The following RALGAPA1 variants were observed in gnomAD, a reference collection of about 807,000 sequenced individuals.
RALGAPA1 encodes ral GTPase-activating protein subunit alpha-1.
RALGAPA1 carries 52 observed loss-of-function variants against 269.6 expected under a neutral mutation model. That is an observed-to-expected ratio of 0.19 (90% CI 0.15 to 0.24). The LOEUF (loss-of-function observed/expected upper bound fraction) is 0.24, where lower values mean the gene tolerates loss of function less well. Among genes scored for constraint, RALGAPA1 ranks in the 10% least tolerant of loss-of-function variants. The pLI, the probability that RALGAPA1 is intolerant of heterozygous loss-of-function variation, is 1.00. For missense variants in RALGAPA1, 1,917 were observed against 3,013.9 expected (o/e 0.64, Z 8.52); for synonymous variants, 817 against 1,008.3 (o/e 0.81, Z 3.60).
rs140046228 is a variant in RALGAPA1, at chr14:35,701,887, G to A, written c.2267-1585C>T. Among the ~76,000 whole-genome samples, 143 of 152,068 alleles carry A rather than the reference G, an allele frequency of 9.4e-4. 1 individual carries two copies. The highest frequency in any genetic ancestry group is 3.3e-3 in the African/African-American group (137 of 41,492). ...TGGTGTCGAACTCCTGTGCTCAAGCGACCCTCTCACATTGGTCTCCCAAAG... is the reference window on the plus strand; with the variant it reads ...TGGTGTCGAACTCCTGTGCTCAAGCAACCCTCTCACATTGGTCTCCCAAAG... On this transcript the variant is annotated intron_variant, in intron 16 of 41. Transcript: ENST00000680220.
chr14:35,595,667 C>T lies in RALGAPA1; in HGVS notation c.7176G>A (p.Met2392Ile). The change falls in exon 37 of 42, where the codon ATG becomes ATA. Residue 2392 changes from methionine (M) to isoleucine (I), a missense_variant. Met to Ile is a conservative substitution (Grantham distance 10). Around this residue, in one of 11 missense-constraint regions of RALGAPA1, gnomAD observed 132 missense variants for 271.2 expected, o/e 0.49. Transcript: ENST00000680220. ...VEVIFHVSTR[M>I]PSDSDDSLTK... ...TCAAAGAATCATCAGAATCAGAAGG[C>T]ATTCTTGTTGACACGTGAAATATTA... 2 of 1,612,232 alleles carry T rather than the reference C, an allele frequency of 1.2e-6. No individual in the cohort carries two copies.
rs183991520 is a variant in RALGAPA1, at chr14:35,547,402, C to G, written c.*23+1106G>C. Among the ~76,000 whole-genome samples the G allele has an allele frequency of 2.1e-3, 315 of 152,052 alleles. 3 individuals are homozygous for G. The highest frequency in any genetic ancestry group is 5.2e-4 in the Non-Finnish European group (35 of 67,930). On this transcript the variant is annotated intron_variant, in intron 41 of 41. Transcript: ENST00000680220. ...GGGGAGAACATTAAGATGACAAATACGAAAGAGTACAGCTGGTAAACAACG... is the reference window on the plus strand; with the variant it reads ...GGGGAGAACATTAAGATGACAAATAGGAAAGAGTACAGCTGGTAAACAACG...
intron 1 of RALGAPA1, among the ~76,000 whole-genome samples, chr14:35,795,661 T>A (rs966224705): frequency 2.0e-5 from 3 of 152,100 alleles, no homozygotes; most frequent in African/African-American, 7.2e-5. Flanking sequence ...AACTTGATTG[T>A]ATCCCGGAAA....
rs186989450 is a variant in RALGAPA1, at chr14:35,804,070, C to G, written c.106+4660G>C. Among the ~76,000 whole-genome samples the G allele has an allele frequency of 2.0e-5, 3 of 152,182 alleles. No homozygotes were observed. In the East Asian group the frequency reaches 5.8e-4, roughly 29 times the overall value. On this transcript the variant is annotated intron_variant, in intron 1 of 41. Transcript: ENST00000680220. ...CTGAGGTCAGGAGTTCAAGACCAGC[C>G]TGGCCAACATGGCGAAACCCCATCT...
At position 35,775,859 on chromosome 14, in the gene RALGAPA1, T is replaced by C. The variant is rs556345827; in HGVS notation, c.107-114A>G. The C allele has an allele frequency of 2.2e-4, 228 of 1,049,284 alleles. 1 individual carries two copies. In the Middle Eastern group the frequency reaches 5.7e-3, roughly 26 times the overall value. The allele number at this position is 1,049,284 out of a possible 1,614,324, so 65.0% of individuals were successfully genotyped here. ...AAGAACTGCTCCTAAAATTCTATTC[T>C]ATTAAAATATTTACAATATATATTT... On this transcript the variant is annotated intron_variant, in intron 1 of 41. Coordinates refer to ENST00000680220, the MANE Select transcript of RALGAPA1 (RefSeq NM_001346249.2).
chr14:35,572,873 T>C (rs183319077), intron 37 of RALGAPA1, 155 bp from the exon 38 acceptor site: 773 of 451,604 alleles, frequency 1.7e-3, no homozygotes, highest in Non-Finnish European at 2.3e-3. Flanking sequence ...CTCAAAAACA[T>C]CAGGAGACAC....
intron 1 of RALGAPA1, among the ~76,000 whole-genome samples, chr14:35,790,684 TAA>T (rs75409188): frequency 3.8e-4 from 35 of 92,392 alleles, no homozygotes; most frequent in Middle Eastern, 6.8e-3. Context: ...AGAGACTGTC[TAA>T]AAAAAAAAAA....
chr14:35,767,759 CTCT>C (rs1567189211), intron 4 of RALGAPA1, among the ~76,000 whole-genome samples: 2 of 151,984 alleles, frequency 1.3e-5, no homozygotes, highest in Non-Finnish European at 2.9e-5. Flanking sequence ...CAGAATTTCT[CTCT>C]TTTTTAATTA....
chr14:35,801,238 T>TACAC (rs1241093752), intron 1 of RALGAPA1, among the ~76,000 whole-genome samples: 1 of 131,902 alleles, frequency 7.6e-6, no homozygotes, highest in African/African-American at 3.2e-5. Flanking sequence ...TATATATATA[T>TACAC]ACACAGACAC....
At chr14:35,719,823 C>T (rs1019118103) in intron 16 of RALGAPA1, among the ~76,000 whole-genome samples, 5 of 152,024 alleles carry the variant, frequency 3.3e-5, no homozygotes, top group Non-Finnish European at 4.4e-5. Flanking sequence ...TGATCTCTGC[C>T]CACTGCAACC....
chr14:35,737,611 T>C (rs1247296238), intron 12 of RALGAPA1, among the ~76,000 whole-genome samples: 1 of 150,144 alleles, frequency 6.7e-6, no homozygotes, highest in African/African-American at 2.5e-5. Flanking sequence ...ACAAAAAAAT[T>C]AGCCAGGCGT....
At chr14:35,595,383 A>G (rs1245507928) in intron 37 of RALGAPA1, among the ~76,000 whole-genome samples, 1 of 152,108 alleles carries the variant, frequency 6.6e-6, no homozygotes, top group Non-Finnish European at 1.5e-5. Flanking sequence ...ACAACATTTC[A>G]TGTTGTAAAC....
intron 1 of RALGAPA1, among the ~76,000 whole-genome samples, chr14:35,801,227 C>T (rs1182202979): frequency 6.9e-6 from 1 of 144,774 alleles, no homozygotes; most frequent in Admixed American, 7.0e-5. Flanking sequence ...ATGGGTCCTG[C>T]TATATATATA....
chr14:35,697,075 C>T (rs1005020564), intron 17 of RALGAPA1, among the ~76,000 whole-genome samples: 1 of 146,890 alleles, frequency 6.8e-6, no homozygotes, highest in Non-Finnish European at 1.5e-5. Context: ...TCTCTTATCT[C>T]TTCCACTCTC....
chr14:35,771,597 T>C (rs1595502172), intron 3 of RALGAPA1, among the ~76,000 whole-genome samples: 1 of 152,308 alleles, frequency 6.6e-6, no homozygotes, highest in East Asian at 1.9e-4. Context: ...AGGTATATGT[T>C]TTCCTAATGA....
At position 35,686,553 on chromosome 14, in the gene RALGAPA1, C is replaced by T. The variant is rs1278111179; in HGVS notation, c.4066G>A (p.Gly1356Ser). 1 of 1,600,718 alleles carries T rather than the reference C, an allele frequency of 6.2e-7. No homozygotes were observed. Among genetic ancestry groups the T allele is most frequent in the Non-Finnish European group, 8.5e-7 (1 of 1,176,194 alleles). Residue 1356 changes from glycine to serine, a missense_variant, in exon 19 of 42, where the codon GGT becomes AGT. This residue lies in a region of RALGAPA1 where 615 missense variants were observed against 790.0 expected (regional missense o/e 0.78). Transcript: ENST00000680220. ...AAAATAAAACTTACCGAGGCATTAC[C>T]ACTTCGAAGTCGTTCTGCTATAAAC... ...DEFIAERLRS[G>S]NASTMTRRGS... is the part of the protein sequence containing the mutation.
At chr14:35,652,391 C>T (rs979575992) in intron 30 of RALGAPA1, among the ~76,000 whole-genome samples, 13 of 150,848 alleles carry the variant, frequency 8.6e-5, no homozygotes, top group African/African-American at 3.0e-4. Context: ...TATACACACA[C>T]ACATATAAGG....
At chr14:35,567,901 T>C (rs1377004188) in intron 39 of RALGAPA1, among the ~76,000 whole-genome samples, 4 of 152,150 alleles carry the variant, frequency 2.6e-5, no homozygotes, top group South Asian at 4.1e-4. Context: ...CATATCTACC[T>C]CTATGCTCCA....
In RALGAPA1 at chr14:35,721,967, A is replaced by G. The variant is rs1026711418; in HGVS notation, c.2105-118T>C. ...TGCTCACATAAATTATAAAGTAATA[A>G]GACAAAACGCTGTGTACTGTAAGGC... On this transcript the variant is annotated intron_variant, in intron 15 of 41. Coordinates refer to ENST00000680220, the MANE Select transcript of RALGAPA1 (RefSeq NM_001346249.2). 46 of 798,392 alleles carry G rather than the reference A, an allele frequency of 5.8e-5. No homozygotes were observed. In the African/African-American group the frequency reaches 7.1e-4, roughly 12 times the overall value. 49.5% of individuals were successfully genotyped at this position (798,392 alleles called of 1,614,324 possible).
Sources: allele counts gnomAD v4.1 joint callset (sites outside exome capture counted in the v4.1 genomes callset), GRCh38; gene constraint gnomAD v4.1.1; regional missense constraint gnomAD v4.1.1; transcripts MANE v1.5; gene names NCBI Gene and HGNC (gene_info 2026-07-23, HGNC 2026-07-21).